NHS: variants seen among roughly 807,000 people sequenced by gnomAD.
NHS encodes the protein actin remodeling regulator NHS.
NHS carries 5 observed loss-of-function variants against 72.5 expected under a neutral mutation model. The ratio of observed to expected loss-of-function variants is 0.07; its 90% CI spans 0.04 to 0.14. The LOEUF (loss-of-function observed/expected upper bound fraction) is 0.14. NHS is among the 10% of genes least tolerant of loss of function. The pLI, the probability that NHS is intolerant of heterozygous loss-of-function variation, is 1.00. For missense variants in NHS, 1,072 were observed against 1,355.7 expected (o/e 0.79, Z 3.29); for synonymous variants, 464 against 547.7 (o/e 0.85, Z 2.13).
intron 1 of NHS, among the ~76,000 whole-genome samples, chrX:17,493,388 C>T (rs369866793): frequency 8.9e-6 from 1 of 112,237 alleles, no homozygotes; most frequent in East Asian, 2.8e-4. Flanking sequence ...ATGGTCTATT[C>T]CATGCTTCCC....
At chrX:17,599,318 G>A (rs949566698) in intron 1 of NHS, among the ~76,000 whole-genome samples, 1 of 111,552 alleles carries the variant, frequency 9.0e-6, no homozygotes, top group African/African-American at 3.3e-5. Flanking sequence ...TCCAGAGTGG[G>A]GGCACCAATT....
At chrX:17,439,518 G>A (rs2146881437) in intron 1 of NHS, among the ~76,000 whole-genome samples, 1 of 111,507 alleles carries the variant, frequency 9.0e-6, no homozygotes, top group East Asian at 2.8e-4. Context: ...AAAATTTGTA[G>A]ACCTTGTTTT....
chrX:17,692,877 G>C (rs1322861487), intron 3 of NHS, among the ~76,000 whole-genome samples: 2 of 110,514 alleles, frequency 1.8e-5, no homozygotes, highest in East Asian at 5.7e-4. Context: ...AATGAGATAA[G>C]GCATGTAAAG....
chrX:17,482,180 G>T (rs1158230267), intron 1 of NHS, among the ~76,000 whole-genome samples: 5 of 112,036 alleles, frequency 4.5e-5, no homozygotes, highest in Non-Finnish European at 3.8e-5. Context: ...GTTCCTAAGT[G>T]CTTTGAGTAG....
At chrX:17,483,482 G>A (rs1335042190) in intron 1 of NHS, among the ~76,000 whole-genome samples, 2 of 112,184 alleles carry the variant, frequency 1.8e-5, no homozygotes, top group Admixed American at 9.5e-5. Context: ...ATAATTGAAG[G>A]AAATATTAAA....
At chrX:17,378,918 A>G (rs148051625) in intron 1 of NHS, among the ~76,000 whole-genome samples, 1,875 of 111,812 alleles carry the variant, frequency 0.017, 43 homozygotes, top group African/African-American at 0.058. Flanking sequence ...TGATGTGCAC[A>G]GGAATGTTGA....
At chrX:17,646,774 A>G (rs1380356324) in intron 1 of NHS, among the ~76,000 whole-genome samples, 2 of 112,241 alleles carry the variant, frequency 1.8e-5, no homozygotes, top group Non-Finnish European at 3.8e-5. Context: ...CTGGAACATA[A>G]TTAGTATGTT....
At chrX:17,541,498 G>T (rs2065262546) in intron 1 of NHS, among the ~76,000 whole-genome samples, 1 of 111,784 alleles carries the variant, frequency 8.9e-6, no homozygotes, top group Non-Finnish European at 1.9e-5. Flanking sequence ...GCAATGCAGG[G>T]TGTGTGGTTA....
At chrX:17,506,260 G>T (rs1479328289) in intron 1 of NHS, among the ~76,000 whole-genome samples, 1 of 110,358 alleles carries the variant, frequency 9.1e-6, no homozygotes, top group East Asian at 2.9e-4. Context: ...TGGGTGCGGT[G>T]GCTCACGTCT....
At chrX:17,611,425 C>T (rs1361845740) in intron 1 of NHS, among the ~76,000 whole-genome samples, 1 of 111,838 alleles carries the variant, frequency 8.9e-6, no homozygotes, top group East Asian at 2.8e-4. Context: ...AAAATGTGCT[C>T]TTAGCTAGTT....
chrX:17,406,390 C>T (rs750466233), intron 1 of NHS, among the ~76,000 whole-genome samples: 1 of 111,501 alleles, frequency 9.0e-6, no homozygotes, highest in African/African-American at 3.3e-5. Flanking sequence ...TCCCTCAACA[C>T]TGGCCATTTA....
chrX:17,488,047 G>A (rs747407311), intron 1 of NHS, among the ~76,000 whole-genome samples: 10 of 111,142 alleles, frequency 9.0e-5, no homozygotes, highest in African/African-American at 3.3e-4. Context: ...TATCCTGCCG[G>A]CATCCCACCT....
rs140213651 is a variant in NHS, at chrX:17,429,855, G to A, written c.565+53533G>A. Among the ~76,000 whole-genome samples, 588 of 111,381 alleles carry A rather than the reference G, an allele frequency of 5.3e-3. 1 individual carries two copies. Among genetic ancestry groups the A allele is most frequent in the Non-Finnish European group, 9.4e-3 (498 of 53,006 alleles). On this transcript the variant is annotated intron_variant, in intron 1 of 8. Coordinates refer to ENST00000676302, the MANE Select transcript of NHS (RefSeq NM_001291867.2). Reference sequence around the variant, plus strand: ...GTGTTTGTGGTGAGAATGTTCTCTAGGTGGCATCACGGAACTTCTCACCAG... The same window carrying A: ...GTGTTTGTGGTGAGAATGTTCTCTAAGTGGCATCACGGAACTTCTCACCAG...
chrX:17,670,896 G>T (rs988199125), intron 1 of NHS, among the ~76,000 whole-genome samples: 1 of 112,332 alleles, frequency 8.9e-6, no homozygotes, highest in African/African-American at 3.2e-5. Context: ...GGAGTAGCCC[G>T]TTCCTTTTCT....
At chrX:17,510,086 C>T (rs1184413395) in intron 1 of NHS, among the ~76,000 whole-genome samples, 1 of 112,541 alleles carries the variant, frequency 8.9e-6, no homozygotes, top group African/African-American at 3.2e-5. Context: ...AGTTTATCCC[C>T]GACAGTTGTT....
intron 5 of NHS, among the ~76,000 whole-genome samples, chrX:17,723,769 G>A (rs2066421839): frequency 1.0e-5 from 1 of 97,131 alleles, no homozygotes; most frequent in African/African-American, 4.6e-5. Context: ...GTGTGTGTGT[G>A]TGCGCGCGCG....
At chrX:17,723,770 T>TGTGTGTGCGCGC (rs541219770) in intron 5 of NHS, among the ~76,000 whole-genome samples, 30 of 91,311 alleles carry the variant, frequency 3.3e-4, no homozygotes, top group African/African-American at 9.1e-4. Context: ...TGTGTGTGTG[T>TGTGTGTGCGCGC]GCGCGCGCGT....
At chrX:17,408,954 G>GGAGA (rs369974924) in intron 1 of NHS, among the ~76,000 whole-genome samples, 31 of 103,403 alleles carry the variant, frequency 3.0e-4, no homozygotes, top group Admixed American at 4.1e-4. Context: ...GACGGAGAGA[G>GGAGA]GAGAGAGAGA....
chrX:17,615,230 A>G (rs1229440864), intron 1 of NHS, among the ~76,000 whole-genome samples: 1 of 82,235 alleles, frequency 1.2e-5, no homozygotes, highest in Admixed American at 1.2e-4. Flanking sequence ...ATATACACAT[A>G]TATATACGTA....
Sources: gnomAD v4.1 joint callset for allele counts (sites outside exome capture counted in the v4.1 genomes callset) on GRCh38, gnomAD v4.1.1 for gene constraint, MANE v1.5 for transcripts, NCBI Gene and HGNC (gene_info 2026-07-23, HGNC 2026-07-21) for gene names.